VAV2: variants seen among roughly 807,000 people sequenced by gnomAD.
VAV2 encodes guanine nucleotide exchange factor VAV2.
VAV2 carries 67 observed loss-of-function variants against 132.5 expected under a neutral mutation model. The ratio of observed to expected loss-of-function variants is 0.51; its 90% CI spans 0.42 to 0.62. The LOEUF (loss-of-function observed/expected upper bound fraction) is 0.62. VAV2 is among the 20% of genes least tolerant of loss of function. The pLI, the probability that VAV2 is intolerant of heterozygous loss-of-function variation, is 0.00. For missense variants in VAV2, 938 were observed against 1,153.6 expected (o/e 0.81, Z 2.71); for synonymous variants, 492 against 443.5 (o/e 1.11, Z -1.37).
Position 133,992,071 on chromosome 9 carries a change from T to A in VAV2, c.204+4A>T. ...CGGGGCCCTCCCGCCCGCCGGGCGC[T>A]CACCTGGGACATCTGCGGCCGGAAG... On this transcript the variant is annotated splice_donor_region_variant and intron_variant, in intron 1 of 29. Coordinates refer to ENST00000371850, the MANE Select transcript of VAV2 (RefSeq NM_001134398.2). This position sits in a 1 kb window ranked among gnomAD's most constrained non-coding sequence, Gnocchi z 5.5. 6.4e-7 allele frequency: 1 copy of A among 1,552,268 alleles called. No individual in the cohort carries two copies. The highest frequency in any genetic ancestry group is 8.7e-7 in the Non-Finnish European group (1 of 1,150,820).
chr9:133,992,289 G>T lies in VAV2; in HGVS notation c.-11C>A. 6.6e-7 allele frequency: 1 copy of T among 1,524,534 alleles called. No homozygotes were observed. The highest frequency in any genetic ancestry group is 8.8e-7 in the Non-Finnish European group (1 of 1,135,602). 94.4% of individuals were successfully genotyped at this position (1,524,534 alleles called of 1,614,324 possible). On this transcript the variant is annotated 5_prime_UTR_variant, in exon 1 of 30. Coordinates refer to ENST00000371850, the MANE Select transcript of VAV2 (RefSeq NM_001134398.2). The surrounding 1 kb of genome is among the most constrained non-coding windows in gnomAD (Gnocchi z 5.5). ...CCGCCACTGCTCCATGGCGCCCGCGGGCCCGACCGGCTCAGGGCAGTGCTC... is the reference window on the plus strand; with the variant it reads ...CCGCCACTGCTCCATGGCGCCCGCGTGCCCGACCGGCTCAGGGCAGTGCTC...
At chr9:133,900,210 A>G (rs1210285589) in intron 2 of VAV2, among the ~76,000 whole-genome samples, 1 of 151,980 alleles carries the variant, frequency 6.6e-6, no homozygotes, top group Non-Finnish European at 1.5e-5. Context: ...AAAAAACCAA[A>G]GAAGAAAGAA....
intron 9 of VAV2, among the ~76,000 whole-genome samples, chr9:133,799,063 T>C (rs1363956782): frequency 6.6e-6 from 1 of 152,224 alleles, no homozygotes; most frequent in Non-Finnish European, 1.5e-5. Flanking sequence ...GCTGGGCCTG[T>C]AGCCTGGCTT....
At chr9:133,985,653 T>C (rs1278183398) in intron 1 of VAV2, among the ~76,000 whole-genome samples, 1 of 152,178 alleles carries the variant, frequency 6.6e-6, no homozygotes, top group African/African-American at 2.4e-5. Context: ...AGCTGGTTCT[T>C]AAGCTGGGAC....
chr9:133,877,486 A>G (rs1003113247), intron 2 of VAV2, among the ~76,000 whole-genome samples: 32 of 152,168 alleles, frequency 2.1e-4, no homozygotes, highest in Non-Finnish European at 8.8e-5. Context: ...CACTGCCTCC[A>G]TGAATCCTCA....
chr9:133,963,884 T>C (rs1196035276), intron 1 of VAV2, among the ~76,000 whole-genome samples: 3 of 151,688 alleles, frequency 2.0e-5, no homozygotes, highest in Non-Finnish European at 4.4e-5. Flanking sequence ...GGCAAGGATA[T>C]GAGAAAAGCT....
At chr9:133,973,175 G>C (rs1842396258) in intron 1 of VAV2, among the ~76,000 whole-genome samples, 1 of 152,078 alleles carries the variant, frequency 6.6e-6, no homozygotes, top group South Asian at 2.1e-4. Context: ...AAGCCCCCCT[G>C]TCTGCACACA....
chr9:133,975,755 T>C (rs957128607), intron 1 of VAV2, among the ~76,000 whole-genome samples: 3 of 152,208 alleles, frequency 2.0e-5, no homozygotes, highest in Admixed American at 2.0e-4. Flanking sequence ...TAAGAGAATA[T>C]TTAAATATCT....
intron 2 of VAV2, among the ~76,000 whole-genome samples, chr9:133,893,337 G>T (rs964285428): frequency 6.6e-6 from 1 of 152,194 alleles, no homozygotes; most frequent in Non-Finnish European, 1.5e-5. Flanking sequence ...AAGGAAGGAG[G>T]CTCGGGTGGC....
rs565573826 is a variant in VAV2, at chr9:133,768,331, C to G, written c.2589+111G>C. ...GGATGAGGGAGATTGCAGAGGGTGT[C>G]TGGAACAGGGCCTGGGGTGTGGACA... On this transcript the variant is annotated intron_variant, in intron 29 of 29. Coordinates refer to ENST00000371850, the MANE Select transcript of VAV2 (RefSeq NM_001134398.2). The surrounding 1 kb of genome is among the most constrained non-coding windows in gnomAD (Gnocchi z 5.3). 4 of 1,442,052 alleles carry G rather than the reference C, an allele frequency of 2.8e-6. No individual in the cohort carries two copies. The African/African-American group carries it at 4.3e-5, about 15-fold the overall frequency. 89.3% of individuals were successfully genotyped at this position (1,442,052 alleles called of 1,614,324 possible).
chr9:133,764,236 T>C (rs1436981806), intron 29 of VAV2, 127 bp from the exon 30 acceptor site: 14 of 1,176,496 alleles, frequency 1.2e-5, no homozygotes, highest in Non-Finnish European at 1.6e-5. Context: ...AAGTCCAGAG[T>C]TCTCAGAAGG....
chr9:133,850,863 C>T (rs1478987903), intron 3 of VAV2, among the ~76,000 whole-genome samples: 1 of 152,236 alleles, frequency 6.6e-6, no homozygotes, highest in African/African-American at 2.4e-5. Context: ...CATTTGTCCA[C>T]GAGGATCAGC....
intron 1 of VAV2, among the ~76,000 whole-genome samples, chr9:133,988,736 A>G (rs1842929639): frequency 6.6e-6 from 1 of 152,220 alleles, no homozygotes; most frequent in African/African-American, 2.4e-5. Context: ...ACCCTGGCCA[A>G]CATAGTGAAA....
intron 1 of VAV2, among the ~76,000 whole-genome samples, chr9:133,941,544 C>T (rs555466230): frequency 2.3e-4 from 34 of 151,030 alleles, no homozygotes; most frequent in African/African-American, 7.1e-4. Flanking sequence ...TTGTTTTTCA[C>T]GACCTGTTAA....
intron 1 of VAV2, among the ~76,000 whole-genome samples, chr9:133,979,494 G>A (rs935894549): frequency 2.2e-4 from 34 of 152,208 alleles, no homozygotes; most frequent in Non-Finnish European, 2.6e-4. Context: ...GCAGCAGGAA[G>A]GAGCGGACGC....
In VAV2 at chr9:133,939,150, C is replaced by A; in HGVS notation, c.274G>T (p.Glu92Ter). The A allele has an allele frequency of 6.2e-7, 1 of 1,614,240 alleles. No homozygotes were observed. The highest frequency in any genetic ancestry group is 8.5e-7 in the Non-Finnish European group (1 of 1,180,046). The change falls in exon 2 of 30, where the codon GAG becomes TAG. Residue 92 changes from glutamate to a stop codon, truncating the protein, a stop_gained. Transcript: ENST00000371850. LOFTEE classifies it high-confidence loss of function. ...CHDKFGLRNSELFDPFDLFDV... is the reference protein window; with the variant it reads ...CHDKFGLRNS The stretch of plus-strand genomic sequence containing the variant: ...AAGAGGTCAAAGGGGTCAAACAGCT[C>A]GCTGTTCCTTAATCCAAATTTATCG...
intron 2 of VAV2, among the ~76,000 whole-genome samples, chr9:133,927,340 A>C (rs554055154): frequency 2.0e-5 from 3 of 152,324 alleles, no homozygotes; most frequent in Non-Finnish European, 4.4e-5. Context: ...GATCAGGATT[A>C]ACCAAGTCTT....
chr9:133,897,008 G>A (rs942494176), intron 2 of VAV2, among the ~76,000 whole-genome samples: 2 of 151,918 alleles, frequency 1.3e-5, no homozygotes, highest in African/African-American at 4.8e-5. Context: ...GCAGGAGAAT[G>A]GTGTGAACCC....
intron 29 of VAV2, among the ~76,000 whole-genome samples, chr9:133,766,121 AG>A (rs1833423145): frequency 6.6e-6 from 1 of 152,222 alleles, no homozygotes; most frequent in Admixed American, 6.5e-5. Flanking sequence ...ACAATAATGC[AG>A]GAGGAAATGG....
Sources: gnomAD v4.1 joint callset for allele counts (sites outside exome capture counted in the v4.1 genomes callset) on GRCh38, gnomAD v4.1.1 for gene constraint, Gnocchi (gnomAD v3.1) non-coding constraint, MANE v1.5 for transcripts, NCBI Gene and HGNC (gene_info 2026-07-23, HGNC 2026-07-21) for gene names.